Variants in BCL11A observed in about 807,000 individuals in gnomAD.
The protein encoded by BCL11A is BCL11 transcription factor A.
BCL11A carries 2 observed loss-of-function variants against 55.9 expected under a neutral mutation model. The ratio of observed to expected loss-of-function variants is 0.04; its 90% confidence interval spans 0.01 to 0.11. The LOEUF (loss-of-function observed/expected upper bound fraction) is 0.11. Ranked by LOEUF, BCL11A falls within the 10% of genes least tolerant of loss-of-function variation. The pLI is 1.00. For missense variants in BCL11A, 817 were observed against 1,137.1 expected (o/e 0.72, Z 4.05); for synonymous variants, 465 against 473.4 (o/e 0.98, Z 0.23).
chr2:60,494,614 G>GA (rs1027176365), intron 2 of BCL11A, among the ~76,000 whole-genome samples: 16 of 152,130 alleles, frequency 1.1e-4, no homozygotes, highest in African/African-American at 3.6e-4. Context: ...CATTCCTAAT[G>GA]ATTTATCACC....
intron 2 of BCL11A, among the ~76,000 whole-genome samples, chr2:60,483,055 A>C (rs532269560): frequency 6.6e-6 from 1 of 152,342 alleles, no homozygotes; most frequent in African/African-American, 2.4e-5. Flanking sequence ...ACTTCAGCCC[A>C]TGATTACTTT....
intron 2 of BCL11A, among the ~76,000 whole-genome samples, chr2:60,512,617 C>A (rs541882916): frequency 1.3e-5 from 2 of 152,304 alleles, no homozygotes; most frequent in South Asian, 4.1e-4. Context: ...CCTCTCCTCT[C>A]AGCTCTAAAT....
chr2:60,493,396 C>T (rs746735083), intron 2 of BCL11A, among the ~76,000 whole-genome samples: 1 of 152,162 alleles, frequency 6.6e-6, no homozygotes, highest in Non-Finnish European at 1.5e-5. Flanking sequence ...CTCATTTTGT[C>T]ATCCTCCAGG....
Position 60,468,771 on chromosome 2 carries a change from T to A in BCL11A, c.448A>T (p.Thr150Ser). ...PRSAHGALIP[T>S]PGMSAEYAPQ... ...GCATATTCTGCACTCATCCCAGGCGTGGGGATTAGAGCTCCATGTGCAGAA... is the reference window on the plus strand; with the variant it reads ...GCATATTCTGCACTCATCCCAGGCGAGGGGATTAGAGCTCCATGTGCAGAA... The change falls in exon 3 of 4, where the codon ACG (threonine) becomes TCG (serine). Residue 150 changes from threonine (T) to serine (S), a missense_variant. Physicochemically the swap from Thr to Ser is moderately conservative, Grantham distance 58 (BLOSUM62 1). Around this residue, in one of 4 missense-constraint regions of BCL11A, gnomAD observed 363 missense variants for 486.6 expected, o/e 0.75. Coordinates refer to ENST00000642384, the MANE Select transcript of BCL11A (RefSeq NM_022893.4). 6.2e-7 allele frequency: 1 copy of A among 1,610,684 alleles called. No individual in the cohort carries two copies. Among genetic ancestry groups the A allele is most frequent in the Non-Finnish European group, 8.5e-7 (1 of 1,179,082 alleles).
chr2:60,451,135 C>T (rs1423920427), downstream of BCL11A: 7 of 185,284 alleles, frequency 3.8e-5, no homozygotes, highest in East Asian at 1.8e-4. Context: ...CACGAGACAG[C>T]ACTGTATACA....
chr2:60,491,689 G>GAAAAAAAAAA (rs759978839), intron 2 of BCL11A, among the ~76,000 whole-genome samples: 2 of 134,758 alleles, frequency 1.5e-5, no homozygotes, highest in Non-Finnish European at 1.6e-5. Flanking sequence ...AAAGAAAAAA[G>GAAAAAAAAAA]AAAAAAAAAA....
intron 3 of BCL11A, among the ~76,000 whole-genome samples, chr2:60,462,923 T>C (rs555980992): frequency 2.6e-5 from 4 of 152,336 alleles, no homozygotes; most frequent in South Asian, 4.1e-4. Context: ...AAACATTTCA[T>C]AGAGGTATCA....
rs1363392424 is a variant in BCL11A at position 60,457,337 on chromosome 2, C to G, written c.*3067G>C. 1.1e-5 allele frequency: 11 copies of G among 1,020,862 alleles called. No homozygotes were observed. The highest frequency in any genetic ancestry group is 1.7e-5 in the African/African-American group (1 of 58,226). 63.2% of individuals were successfully genotyped at this position (1,020,862 alleles called of 1,614,324 possible). On this transcript the variant is annotated 3_prime_UTR_variant, in exon 4 of 4. Coordinates refer to ENST00000642384, the MANE Select transcript of BCL11A (RefSeq NM_022893.4). ...ACCAGAAACAAATACAATAAAAAGC[C>G]AGGTTGTAATGACCTTTGGTCATCT...
chr2:60,498,158 C>G (rs1427358956), intron 2 of BCL11A, among the ~76,000 whole-genome samples: 2 of 151,596 alleles, frequency 1.3e-5, no homozygotes, highest in East Asian at 3.9e-4. Flanking sequence ...GGTCAGACCC[C>G]AAGCAGGAAG....
chr2:60,485,069 T>C (rs1430993310), intron 2 of BCL11A, among the ~76,000 whole-genome samples: 1 of 151,700 alleles, frequency 6.6e-6, no homozygotes, highest in Non-Finnish European at 1.5e-5. Flanking sequence ...CACCAAGGCA[T>C]AGCCTTGGAA....
chr2:60,498,216 C>A (rs950489232), intron 2 of BCL11A, among the ~76,000 whole-genome samples: 5 of 151,716 alleles, frequency 3.3e-5, no homozygotes, highest in African/African-American at 9.7e-5. Context: ...ACCCAGCAGC[C>A]CTGGGCACAG....
At chr2:60,530,468 C>G (rs1669398599) in intron 2 of BCL11A, among the ~76,000 whole-genome samples, 1 of 152,210 alleles carries the variant, frequency 6.6e-6, no homozygotes, top group East Asian at 1.9e-4. Context: ...CCATCTGGCC[C>G]TCGGGTTACT....
chr2:60,502,130 A>G (rs987606267), intron 2 of BCL11A, among the ~76,000 whole-genome samples: 1 of 152,214 alleles, frequency 6.6e-6, no homozygotes, highest in Non-Finnish European at 1.5e-5. Context: ...ATGTTGTAAC[A>G]ATGCAACTCA....
At chr2:60,477,965 T>A (rs1345398323) in intron 2 of BCL11A, among the ~76,000 whole-genome samples, 1 of 151,836 alleles carries the variant, frequency 6.6e-6, no homozygotes, top group Non-Finnish European at 1.5e-5. Context: ...AAGCTTTTTT[T>A]TTTTTTTTTT....
chr2:60,548,401 G>A (rs1670249245), intron 1 of BCL11A, among the ~76,000 whole-genome samples: 1 of 151,016 alleles, frequency 6.6e-6, no homozygotes, highest in African/African-American at 2.4e-5. Context: ...GGTGCAAAAG[G>A]AAATATTCTC....
At chr2:60,530,357 C>T (rs1669393371) in intron 2 of BCL11A, among the ~76,000 whole-genome samples, 1 of 146,096 alleles carries the variant, frequency 6.8e-6, no homozygotes, top group Admixed American at 6.9e-5. Context: ...AAAAGAGTTT[C>T]CACTGATTTC....
chr2:60,552,466 C>A (rs1670454546), intron 1 of BCL11A, among the ~76,000 whole-genome samples: 1 of 152,032 alleles, frequency 6.6e-6, no homozygotes, highest in African/African-American at 2.4e-5. Context: ...GCGCGAGGAG[C>A]CGGCACAAAA....
At chr2:60,464,147 C>T (rs1296285026) in intron 3 of BCL11A, among the ~76,000 whole-genome samples, 1 of 152,104 alleles carries the variant, frequency 6.6e-6, no homozygotes, top group Non-Finnish European at 1.5e-5. Flanking sequence ...TATAATCCCA[C>T]TCAATATATC....
At chr2:60,494,860 T>C (rs1211558967) in intron 2 of BCL11A, among the ~76,000 whole-genome samples, 1 of 151,922 alleles carries the variant, frequency 6.6e-6, no homozygotes, top group East Asian at 1.9e-4. Context: ...CTAGTTTGGG[T>C]CAGAAGAAAA....
Sources: allele counts gnomAD v4.1 joint callset (sites outside exome capture counted in the v4.1 genomes callset), GRCh38; gene constraint gnomAD v4.1.1; regional missense constraint gnomAD v4.1.1; transcripts MANE v1.5; gene names NCBI Gene and HGNC (gene_info 2026-07-23, HGNC 2026-07-21).